The following PPP2R5C variants were observed in gnomAD, a reference collection of about 807,000 sequenced individuals.
PPP2R5C encodes serine/threonine-protein phosphatase 2A 56 kDa regulatory subunit gamma isoform.
A neutral mutation model predicts 68.9 loss-of-function variants in PPP2R5C; 7 were observed. The ratio of observed to expected loss-of-function variants is 0.10; its 90% CI spans 0.06 to 0.19. PPP2R5C has a LOEUF of 0.19. Among genes scored for constraint, PPP2R5C ranks in the 10% least tolerant of loss-of-function variants. PPP2R5C has a pLI of 1.00. For synonymous variants in PPP2R5C, 210 were observed against 222.2 expected, an observed-to-expected ratio of 0.95 and a Z score of 0.49; for missense variants, 348 against 641.3, an observed-to-expected ratio of 0.54 and a Z score of 4.94.
At chr14:101,852,297 T>C (rs1255140932) in intron 1 of PPP2R5C, among the ~76,000 whole-genome samples, 4 of 152,144 alleles carry the variant, frequency 2.6e-5, no homozygotes, top group Admixed American at 6.5e-5. Context: ...TCCCTGACTG[T>C]TGGGACCAGG....
At chr14:101,817,085 G>A (rs1011960676) in intron 1 of PPP2R5C, among the ~76,000 whole-genome samples, 1 of 150,632 alleles carries the variant, frequency 6.6e-6, no homozygotes, top group Non-Finnish European at 1.5e-5. Context: ...AGCCTCTCAA[G>A]TAGCTGGGAC....
At chr14:101,856,444 A>G (rs2042429507) in intron 1 of PPP2R5C, among the ~76,000 whole-genome samples, 1 of 152,246 alleles carries the variant, frequency 6.6e-6, no homozygotes, top group Non-Finnish European at 1.5e-5. Flanking sequence ...AGTGCTCTCA[A>G]CATGGTTTGA....
At chr14:101,772,797 A>AAAAAT (rs2037220756) in intron 2 of PPP2R5C, among the ~76,000 whole-genome samples, 1 of 152,212 alleles carries the variant, frequency 6.6e-6, no homozygotes, top group African/African-American at 2.4e-5. Context: ...CTCCGCCTCA[A>AAAAAT]AAAATAAATA....
At position 101,781,484 on chromosome 14, in the gene PPP2R5C, T is replaced by TCCAGCCTCCA. The variant is rs1044717730; in HGVS notation, c.94-4534_94-4533insCCAGCCTCCA. On this transcript the variant is annotated intron_variant, in intron 2 of 14. Transcript: ENST00000328724. The surrounding 1 kb of genome is among the most constrained non-coding windows in gnomAD (Gnocchi z 6.4). ...CGCGTGGGCTCCCGCCGGGCCCTCC[T>TCCAGCCTCCA]GCCGCCCCCCAGCCTCCCCGCCCCT... Among the ~76,000 whole-genome samples, 4 of 142,282 alleles carry TCCAGCCTCCA rather than the reference T, an allele frequency of 2.8e-5. No homozygotes were observed. The highest frequency in any genetic ancestry group is 1.0e-4 in the African/African-American group (4 of 38,826). The allele number at this position is 142,282 out of a possible 152,430, so 93.3% of individuals were successfully genotyped here.
chr14:101,889,180 G>A (rs1386936242), intron 5 of PPP2R5C, among the ~76,000 whole-genome samples: 2 of 152,218 alleles, frequency 1.3e-5, no homozygotes, highest in South Asian at 2.1e-4. Flanking sequence ...CAAAGTGAAC[G>A]AAATTTCAGA....
rs186173342 is a variant in PPP2R5C, at chr14:101,821,717, G to T, written c.94+11681G>T. 2.8e-3 allele frequency among the ~76,000 whole-genome samples: 423 copies of T among 151,856 alleles called. 1 individual carries two copies. Among genetic ancestry groups the T allele is most frequent in the Admixed American group, 6.3e-3 (96 of 15,256 alleles). Reference sequence around the variant, plus strand: ...TTACGTAAATGCTTAATGTGGTCTCGCATGTTTTTCTGTGAATTTGGCTTA... The same window carrying T: ...TTACGTAAATGCTTAATGTGGTCTCTCATGTTTTTCTGTGAATTTGGCTTA... On this transcript the variant is annotated intron_variant, in intron 1 of 13. Coordinates refer to ENST00000334743, the Ensembl canonical transcript of PPP2R5C.
rs1055290268 is a variant in PPP2R5C, at chr14:101,836,286, C to T, written c.95-20400C>T. 4.3e-6 allele frequency: 3 copies of T among 702,682 alleles called. No individual in the cohort carries two copies. In the African/African-American group the frequency reaches 5.2e-5, roughly 12 times the overall value. The allele number at this position is 702,682 out of a possible 1,614,324, so 43.5% of individuals were successfully genotyped here. On this transcript the variant is annotated intron_variant, in intron 1 of 13. Transcript: ENST00000334743. ...CAAACCCATGGAGAACCCCGCGGCC[C>T]CCAAAGCATGGACGGAGCTGCCAGC...
intron 2 of PPP2R5C, among the ~76,000 whole-genome samples, chr14:101,878,810 C>G (rs1421850807): frequency 6.6e-6 from 1 of 152,196 alleles, no homozygotes; most frequent in Non-Finnish European, 1.5e-5. Context: ...AGGTGTTAAC[C>G]ACATCTATAA....
intron 2 of PPP2R5C, among the ~76,000 whole-genome samples, chr14:101,858,753 C>G (rs936311105): frequency 2.6e-5 from 4 of 152,058 alleles, no homozygotes; most frequent in African/African-American, 7.3e-5. Context: ...TTAAGAAAGT[C>G]TCTGATTCCC....
In PPP2R5C at chr14:101,915,052, T is replaced by TTTTGG. The variant is rs747682001; in HGVS notation, c.1326+2599_1326+2603dup. On this transcript the variant is annotated intron_variant, in intron 12 of 13. Coordinates refer to ENST00000334743, the Ensembl canonical transcript of PPP2R5C. This position sits in a 1 kb window ranked among gnomAD's most constrained non-coding sequence, Gnocchi z 4.2. ...GAATGCACCTCAGTGAAGGTTTTTG[T>TTTTGG]TTTGGTTTGGTTTGGTTTGGTTTGA... 1.9e-4 allele frequency among the ~76,000 whole-genome samples: 29 copies of TTTTGG among 152,084 alleles called. No individual in the cohort carries two copies. The highest frequency in any genetic ancestry group is 3.9e-4 in the Admixed American group (6 of 15,278).
chr14:101,903,309 T>G (rs529730266), intron 9 of PPP2R5C, among the ~76,000 whole-genome samples: 1 of 152,328 alleles, frequency 6.6e-6, no homozygotes, highest in South Asian at 2.1e-4. Flanking sequence ...TGTGCTGTTT[T>G]GCATAAAAGC....
At chr14:101,816,256 G>A (rs558628633) in intron 1 of PPP2R5C, among the ~76,000 whole-genome samples, 2 of 152,124 alleles carry the variant, frequency 1.3e-5, no homozygotes, top group Non-Finnish European at 2.9e-5. Context: ...CGCTGTTTCC[G>A]CTCCCTGTCA....
intron 3 of PPP2R5C, among the ~76,000 whole-genome samples, chr14:101,800,241 T>C (rs116130530): frequency 1.0e-3 from 155 of 152,210 alleles, no homozygotes; most frequent in African/African-American, 3.6e-3. Context: ...TGAGACCCTG[T>C]CTCAAAAAAT....
At chr14:101,856,604 T>C in intron 1 of PPP2R5C, 82 bp from the exon 4 acceptor site, 1 of 1,263,720 alleles carries the variant, frequency 7.9e-7, no homozygotes, top group Non-Finnish European at 1.1e-6. Flanking sequence ...AAAATAAAAA[T>C]AGAAGAAAGC....
intron 9 of PPP2R5C, among the ~76,000 whole-genome samples, chr14:101,903,220 C>T (rs1384080236): frequency 6.6e-6 from 1 of 152,120 alleles, no homozygotes; most frequent in Admixed American, 6.5e-5. Context: ...ACTTGAGCCC[C>T]TTCCCCAGAT....
At chr14:101,850,359 T>C (rs1439844391) in intron 1 of PPP2R5C, among the ~76,000 whole-genome samples, 1 of 152,228 alleles carries the variant, frequency 6.6e-6, no homozygotes, top group Non-Finnish European at 1.5e-5. Context: ...ATTAAGTGTT[T>C]TTAAAGATAC....
At chr14:101,771,658 C>T (rs1452761408) in intron 2 of PPP2R5C, among the ~76,000 whole-genome samples, 2 of 151,838 alleles carry the variant, frequency 1.3e-5, no homozygotes, top group Non-Finnish European at 2.9e-5. Context: ...AAAACCTGGG[C>T]GGCAGAGGTT....
intron 1 of PPP2R5C, among the ~76,000 whole-genome samples, chr14:101,844,821 G>T (rs1196242709): frequency 6.6e-6 from 1 of 152,182 alleles, no homozygotes; most frequent in African/African-American, 2.4e-5. Flanking sequence ...TACTTTTCCT[G>T]AGACAGTACC....
chr14:101,873,655 G>C (rs1037828211), intron 2 of PPP2R5C, among the ~76,000 whole-genome samples: 1 of 152,156 alleles, frequency 6.6e-6, no homozygotes, highest in African/African-American at 2.4e-5. Context: ...CAAATATGCT[G>C]ATCTGTACTC....
Sources: allele counts gnomAD v4.1 joint callset (sites outside exome capture counted in the v4.1 genomes callset), GRCh38; gene constraint gnomAD v4.1.1; non-coding constraint Gnocchi (gnomAD v3.1); transcripts MANE v1.5; gene names NCBI Gene and HGNC (gene_info 2026-07-23, HGNC 2026-07-21).